Variants in PACRGL observed in about 807,000 individuals in gnomAD.
The protein encoded by PACRGL is parkin coregulated like.
In PACRGL, 38 loss-of-function variants were observed where a neutral mutation model predicts 34.5. That is an observed-to-expected ratio of 1.10 (90% CI 0.85 to 1.44). The LOEUF (loss-of-function observed/expected upper bound fraction) is 1.44, where lower values mean the gene tolerates loss of function less well. Among genes scored for constraint, PACRGL ranks in the 40% most tolerant of loss-of-function variants. PACRGL has a pLI of 0.00. For missense variants in PACRGL, 305 were observed against 281.4 expected (o/e 1.08, Z -0.60); for synonymous variants, 128 against 100.1 (o/e 1.28, Z -1.66).
chr4:20,755,550 C>T (rs190535334), downstream of PACRGL, among the ~76,000 whole-genome samples: 24 of 152,276 alleles, frequency 1.6e-4, no homozygotes, highest in Admixed American at 2.6e-4. Context: ...TGGAGAAATC[C>T]TCTGTTCCCC....
chr4:20,719,773 G>C (rs969028529), intron 7 of PACRGL, among the ~76,000 whole-genome samples: 1 of 151,830 alleles, frequency 6.6e-6, no homozygotes, highest in Non-Finnish European at 1.5e-5. Flanking sequence ...TTTGGAATAA[G>C]TGTGATGTGG....
Position 20,702,910 on chromosome 4 carries a change from A to G in PACRGL, c.-16-1556A>G, listed in dbSNP as rs929113424. ...TAGTGGGATGAGATAAATGAGATCA[A>G]TGTACTAAATCAAGGAAATTGAAAT... On this transcript the variant is annotated intron_variant, in intron 1 of 8. Coordinates refer to ENST00000503585, the MANE Select transcript of PACRGL (RefSeq NM_001258345.3). Among the ~76,000 whole-genome samples, 20 of 152,334 alleles carry G rather than the reference A, an allele frequency of 1.3e-4. 1 individual carries two copies. The highest frequency in any genetic ancestry group is 1.1e-3 in the Admixed American group (17 of 15,304).
At chr4:20,757,526 ACT>A (rs1458497325), downstream of PACRGL, among the ~76,000 whole-genome samples, 3 of 150,148 alleles carry the variant, frequency 2.0e-5, no homozygotes, top group African/African-American at 7.5e-5. Context: ...TCCATTGTAC[ACT>A]CTCTACCCTA....
At chr4:20,723,845 A>C (rs931056836) in intron 7 of PACRGL, among the ~76,000 whole-genome samples, 3 of 152,034 alleles carry the variant, frequency 2.0e-5, no homozygotes, top group African/African-American at 4.8e-5. Context: ...TTCTAGAAAT[A>C]GGTTGTGTGA....
rs1240623226 is a variant in PACRGL, at chr4:20,729,449, T to TATGCTGATATCTGATA, written c.*2111_*2126dup. On this transcript the variant is annotated 3_prime_UTR_variant, in exon 9 of 9. Coordinates refer to ENST00000503585, the MANE Select transcript of PACRGL (RefSeq NM_001258345.3). ...TTATTAAAATAAGTTTTATTAGGCA[T>TATGCTGATATCTGATA]ATGCTGATATCTGATAATAAACTAA... 6.6e-6 allele frequency: 1 copy of TATGCTGATATCTGATA among 151,866 alleles called. No homozygotes were observed. Among genetic ancestry groups the TATGCTGATATCTGATA allele is most frequent in the Non-Finnish European group, 1.5e-5 (1 of 67,990 alleles). The allele number at this position is 151,866 out of a possible 1,614,324, so 9.4% of individuals were successfully genotyped here.
chr4:20,755,444 TG>T (rs1181294576), downstream of PACRGL, among the ~76,000 whole-genome samples: 1 of 152,072 alleles, frequency 6.6e-6, no homozygotes, highest in Non-Finnish European at 1.5e-5. Flanking sequence ...CCATGTGAGG[TG>T]GGTGTCATTC....
the PACRGL span, among the ~76,000 whole-genome samples, chr4:20,761,902 A>C: frequency 2.3e-3 from 357 of 152,294 alleles, 7 homozygotes; most frequent in South Asian, 0.046. Context: ...ATTAGTTTAC[A>C]TCTCTACAAA....
upstream of PACRGL, among the ~76,000 whole-genome samples, chr4:20,699,976 TAGGC>T (rs1731547792): frequency 6.6e-6 from 1 of 152,168 alleles, no homozygotes; most frequent in Non-Finnish European, 1.5e-5. Flanking sequence ...TTTCCACAGC[TAGGC>T]TTATGATTTA....
At chr4:20,724,932 G>T in intron 8 of PACRGL, 44 bp downstream of exon 8, 1 of 1,132,564 alleles carries the variant, frequency 8.8e-7, no homozygotes, top group Non-Finnish European at 1.2e-6. Context: ...TTAACTTTTA[G>T]GTGTATTACT....
intron 7 of PACRGL, among the ~76,000 whole-genome samples, chr4:20,715,856 C>G (rs1031788528): frequency 3.3e-5 from 5 of 151,828 alleles, no homozygotes; most frequent in African/African-American, 9.7e-5. Context: ...CAGAGCGAGT[C>G]TGCACTTCAA....
chr4:20,745,299 T>A (rs1410212327), intron 8 of PACRGL, among the ~76,000 whole-genome samples: 2 of 152,174 alleles, frequency 1.3e-5, no homozygotes, highest in African/African-American at 4.8e-5. Context: ...AATTCACATC[T>A]TCTTGAATAC....
chr4:20,766,623 T>C, the PACRGL span, among the ~76,000 whole-genome samples: 1 of 152,164 alleles, frequency 6.6e-6, no homozygotes, highest in Non-Finnish European at 1.5e-5. Flanking sequence ...CAATTCAATG[T>C]CCTCATTTTG....
rs1435133711 is a variant in PACRGL at position 20,730,142 on chromosome 4, AAC to A, written c.*2805_*2806del. On this transcript the variant is annotated 3_prime_UTR_variant, in exon 9 of 9. Coordinates refer to ENST00000503585, the MANE Select transcript of PACRGL (RefSeq NM_001258345.3). ...TTATGTTTTCATCCTGTAAGGGAGA[AAC>A]ACAGAGCGATTAAATTCAGCATATC... 2 of 1,598,732 alleles carry A rather than the reference AAC, an allele frequency of 1.3e-6. No individual in the cohort carries two copies. The highest frequency in any genetic ancestry group is 1.1e-5 in the South Asian group (1 of 88,036).
upstream of PACRGL, among the ~76,000 whole-genome samples, chr4:20,697,545 T>C (rs1175556593): frequency 2.6e-5 from 4 of 152,204 alleles, no homozygotes; most frequent in African/African-American, 9.6e-5. Context: ...AGGTACAGGG[T>C]ACCACACAGA....
chr4:20,758,429 C>G, the PACRGL span, among the ~76,000 whole-genome samples: 10 of 152,098 alleles, frequency 6.6e-5, no homozygotes, highest in African/African-American at 9.7e-5. Flanking sequence ...CTCCAATCCC[C>G]AGATTTCATA....
chr4:20,746,855 G>A (rs919126207), intron 8 of PACRGL, among the ~76,000 whole-genome samples: 8 of 152,038 alleles, frequency 5.3e-5, no homozygotes, highest in African/African-American at 1.2e-4. Context: ...ACCCTTTATC[G>A]TAGAATCAGA....
At chr4:20,705,146 C>T (rs1186361406) in intron 3 of PACRGL, among the ~76,000 whole-genome samples, 6 of 149,494 alleles carry the variant, frequency 4.0e-5, no homozygotes, top group Admixed American at 1.3e-4. Flanking sequence ...GAATGCTTTT[C>T]GTGCTTCTAT....
downstream of PACRGL, among the ~76,000 whole-genome samples, chr4:20,756,388 T>A (rs1286578656): frequency 6.6e-6 from 1 of 152,128 alleles, no homozygotes; most frequent in Non-Finnish European, 1.5e-5. Flanking sequence ...CAATTCTGAA[T>A]CCTATTTATC....
At chr4:20,766,946 G>A in the PACRGL span, 3 of 152,122 alleles carry the variant, frequency 2.0e-5, no homozygotes, top group East Asian at 1.9e-4. Context: ...TCTGTGAAAC[G>A]GGGACAGGAA....
Sources: gnomAD v4.1 joint callset for allele counts (sites outside exome capture counted in the v4.1 genomes callset) on GRCh38, gnomAD v4.1.1 for gene constraint, MANE v1.5 for transcripts, NCBI Gene and HGNC (gene_info 2026-07-23, HGNC 2026-07-21) for gene names.